Variants in FAM168A observed in about 807,000 individuals in gnomAD.
FAM168A encodes protein FAM168A.
Under a neutral mutation model 28.5 loss-of-function variants are expected in FAM168A, and 3 were observed. The ratio of observed to expected loss-of-function variants is 0.11; its 90% CI spans 0.05 to 0.27. The LOEUF (loss-of-function observed/expected upper bound fraction) is 0.27, where lower values mean the gene tolerates loss of function less well. FAM168A is among the 10% of genes least tolerant of loss of function. The pLI is 1.00. For synonymous variants in FAM168A, 122 were observed against 124.2 expected, an observed-to-expected ratio of 0.98 and a Z score of 0.12; for missense variants, 222 against 311.5, an observed-to-expected ratio of 0.71 and a Z score of 2.16.
At chr11:73,501,794 G>A (rs1734373771) in intron 1 of FAM168A, among the ~76,000 whole-genome samples, 1 of 152,152 alleles carries the variant, frequency 6.6e-6, no homozygotes, top group Admixed American at 6.5e-5. Flanking sequence ...AGAGGCAACA[G>A]CAAACTAATC....
Position 73,558,768 on chromosome 11 carries a change from CTATT to C in FAM168A, c.-19+39151_-19+39154del, listed in dbSNP as rs1156540479. 2.0e-5 allele frequency among the ~76,000 whole-genome samples: 3 copies of C among 152,114 alleles called. No individual in the cohort carries two copies. The East Asian group carries it at 5.8e-4, about 29-fold the overall frequency. ...TATTATGCCATACTCATTACAATAGCTATTTATTTTTTAAAAAAGAAGAAGGAAA... is the reference window on the plus strand; with the variant it reads ...TATTATGCCATACTCATTACAATAGCTATTTTTTAAAAAAGAAGAAGGAAA... On this transcript the variant is annotated intron_variant, in intron 1 of 7. Coordinates refer to ENST00000356467, the MANE Select transcript of FAM168A (RefSeq NM_015159.3).
At chr11:73,421,285 C>T (rs1208400538) in intron 3 of FAM168A, among the ~76,000 whole-genome samples, 1 of 152,212 alleles carries the variant, frequency 6.6e-6, no homozygotes, top group Non-Finnish European at 1.5e-5. Flanking sequence ...CAGGTAATGC[C>T]TCTGGTTCCT....
At chr11:73,414,563 A>G (rs1479492094) in intron 4 of FAM168A, among the ~76,000 whole-genome samples, 4 of 152,230 alleles carry the variant, frequency 2.6e-5, no homozygotes, top group Admixed American at 1.3e-4. Flanking sequence ...CAGCTCTGAG[A>G]CTTAATAGCT....
At chr11:73,454,510 T>C (rs1867490509) in intron 2 of FAM168A, among the ~76,000 whole-genome samples, 1 of 152,198 alleles carries the variant, frequency 6.6e-6, no homozygotes, top group African/African-American at 2.4e-5. Context: ...TTGATAGGGA[T>C]AGGGGGCAGA....
intron 1 of FAM168A, among the ~76,000 whole-genome samples, chr11:73,545,024 TATA>T (rs1376748655): frequency 2.9e-5 from 2 of 68,176 alleles, no homozygotes; most frequent in Non-Finnish European, 4.9e-5. Context: ...ATATAGTATA[TATA>T]ATATATATAT....
At chr11:73,564,000 T>C (rs1943989091) in intron 1 of FAM168A, among the ~76,000 whole-genome samples, 1 of 152,198 alleles carries the variant, frequency 6.6e-6, no homozygotes, top group African/African-American at 2.4e-5. Context: ...TTCCTCAATG[T>C]TGGTTCTATC....
chr11:73,405,124 G>A lies in FAM168A; in HGVS notation c.*1639C>T, dbSNP rs1055004547. 2 of 152,276 alleles carry A rather than the reference G, an allele frequency of 1.3e-5. No individual in the cohort carries two copies. The highest frequency in any genetic ancestry group is 2.9e-5 in the Non-Finnish European group (2 of 68,082). 9.4% of individuals were successfully genotyped at this position (152,276 alleles called of 1,614,324 possible). A position where few individuals can be genotyped will look rare whatever the true frequency, so the allele number is the denominator to read the frequency against. ...TCTTCCTCCTCTTCCTCTCCTCTCG[G>A]GATGAGGGGCTACTGTCCTAAAAGC... is the stretch of plus-strand genomic sequence containing the variant. On this transcript the variant is annotated 3_prime_UTR_variant, in exon 8 of 8. Coordinates refer to ENST00000356467, the MANE Select transcript of FAM168A (RefSeq NM_015159.3).
chr11:73,534,692 C>A (rs1943555562), intron 1 of FAM168A, among the ~76,000 whole-genome samples: 1 of 152,076 alleles, frequency 6.6e-6, no homozygotes, highest in Admixed American at 6.5e-5. Flanking sequence ...GTGTAAGCCA[C>A]CACACCCGGC....
rs1301978193 is a variant in FAM168A, at chr11:73,401,171, A to C, written c.*5592T>G. On this transcript the variant is annotated 3_prime_UTR_variant, in exon 8 of 8. Coordinates refer to ENST00000356467, the MANE Select transcript of FAM168A (RefSeq NM_015159.3). ...AATAAAATTTAAAAATTAGATTCCAACCTGTAGATTAAAATGAATTAAAAA... is the reference window on the plus strand; with the variant it reads ...AATAAAATTTAAAAATTAGATTCCACCCTGTAGATTAAAATGAATTAAAAA... 3 of 151,760 alleles carry C rather than the reference A, an allele frequency of 2.0e-5. No individual in the cohort carries two copies. Among genetic ancestry groups the C allele is most frequent in the African/African-American group, 7.3e-5 (3 of 41,326 alleles). The allele number at this position is 151,760 out of a possible 1,614,324, so 9.4% of individuals were successfully genotyped here.
chr11:73,534,059 T>C (rs545144732), intron 1 of FAM168A, among the ~76,000 whole-genome samples: 1 of 152,346 alleles, frequency 6.6e-6, no homozygotes, highest in South Asian at 2.1e-4. Context: ...TGGTAATACA[T>C]GATTTCTTCA....
chr11:73,526,868 CAAAAAAAAAAAAAA>C (rs61073226), intron 1 of FAM168A, among the ~76,000 whole-genome samples: 2 of 51,902 alleles, frequency 3.9e-5, no homozygotes, highest in African/African-American at 1.3e-4. Flanking sequence ...GACTCCATCT[CAAAAAAAAAAAAAA>C]AAAAAAAAAA....
At chr11:73,447,917 C>T (rs1867352027) in intron 2 of FAM168A, among the ~76,000 whole-genome samples, 1 of 152,214 alleles carries the variant, frequency 6.6e-6, no homozygotes, top group African/African-American at 2.4e-5. Context: ...TAAATTCAGG[C>T]AAGTTACTTC....
At chr11:73,593,700 C>A (rs1181534892) in intron 1 of FAM168A, among the ~76,000 whole-genome samples, 1 of 152,190 alleles carries the variant, frequency 6.6e-6, no homozygotes, top group East Asian at 1.9e-4. Flanking sequence ...ATAAAGGCAA[C>A]AACTAATTTT....
intron 1 of FAM168A, among the ~76,000 whole-genome samples, chr11:73,577,375 T>C (rs1944189428): frequency 1.3e-5 from 2 of 152,326 alleles, no homozygotes; most frequent in South Asian, 4.1e-4. Context: ...ACTTTTAACC[T>C]TGAGCAAATA....
Position 73,400,553 on chromosome 11 carries a change from G to C in FAM168A, c.*6210C>G, listed in dbSNP as rs1218848424. The C allele has an allele frequency of 6.6e-6, 1 of 152,212 alleles. No homozygotes were observed. The highest frequency in any genetic ancestry group is 1.9e-4 in the East Asian group (1 of 5,200). 9.4% of individuals were successfully genotyped at this position (152,212 alleles called of 1,614,324 possible). A position where few individuals can be genotyped will look rare whatever the true frequency, so the allele number is the denominator to read the frequency against. On this transcript the variant is annotated 3_prime_UTR_variant, in exon 8 of 8. Coordinates refer to ENST00000356467, the MANE Select transcript of FAM168A (RefSeq NM_015159.3). Reference sequence around the variant, plus strand: ...GATTTCAACTCTGAATGGCCTCACTGTGCTCCCACATCACACACTTAGGGT... The same window carrying C: ...GATTTCAACTCTGAATGGCCTCACTCTGCTCCCACATCACACACTTAGGGT...
At chr11:73,550,645 ACT>A (rs1009549894) in intron 1 of FAM168A, among the ~76,000 whole-genome samples, 3 of 152,020 alleles carry the variant, frequency 2.0e-5, no homozygotes, top group African/African-American at 7.3e-5. Flanking sequence ...ACAGAGTCAG[ACT>A]CTGTCTCAAA....
At chr11:73,482,617 T>C (rs1310103899) in intron 1 of FAM168A, among the ~76,000 whole-genome samples, 1 of 151,918 alleles carries the variant, frequency 6.6e-6, no homozygotes, top group Non-Finnish European at 1.5e-5. Context: ...GCCCACTAGA[T>C]TATAAATTCT....
intron 2 of FAM168A, among the ~76,000 whole-genome samples, chr11:73,434,520 C>T (rs898952571): frequency 1.3e-5 from 2 of 152,084 alleles, no homozygotes; most frequent in Admixed American, 1.3e-4. Context: ...ACAGTCAGTG[C>T]AAAGGCCCTA....
intron 1 of FAM168A, among the ~76,000 whole-genome samples, chr11:73,509,554 C>G (rs1855178827): frequency 6.6e-6 from 1 of 152,134 alleles, no homozygotes; most frequent in African/African-American, 2.4e-5. Context: ...AGATGTCCAC[C>G]ACAAAACCCC....
Sources: gnomAD v4.1 joint callset for allele counts (sites outside exome capture counted in the v4.1 genomes callset) on GRCh38, gnomAD v4.1.1 for gene constraint, MANE v1.5 for transcripts, NCBI Gene and HGNC (gene_info 2026-07-23, HGNC 2026-07-21) for gene names.